CCNE1: variants seen among roughly 807,000 people sequenced by gnomAD.
CCNE1 encodes cyclin E1.
In CCNE1, 8 loss-of-function variants were observed where a neutral mutation model predicts 54.1. The observed-to-expected ratio is 0.15, with a 90% confidence interval of 0.09 to 0.27. The LOEUF is 0.27. Among genes scored for constraint, CCNE1 ranks in the 10% least tolerant of loss-of-function variants. The pLI, the probability that CCNE1 is intolerant of heterozygous loss-of-function variation, is 1.00. For synonymous variants in CCNE1, 179 were observed against 185.2 expected, an observed-to-expected ratio of 0.97 and a Z score of 0.27; for missense variants, 430 against 514.9, an observed-to-expected ratio of 0.84 and a Z score of 1.60.
chr19:29,817,589 C>T (rs1175438074), intron 6 of CCNE1, 48 bp downstream of exon 6: 5 of 1,611,168 alleles, frequency 3.1e-6, no homozygotes, highest in African/African-American at 1.3e-5. Flanking sequence ...TGAGCATTTC[C>T]AGCATTTTTG....
chr19:29,821,828 G>A lies in CCNE1; in HGVS notation c.705+11G>A, dbSNP rs1411484996. ...TTAATGATTATGAAGGTGGGTTCCA[G>A]TGAATTTTCCGGCCATTTTTTAAAT... On this transcript the variant is annotated intron_variant, in intron 8 of 11. Coordinates refer to ENST00000262643, the MANE Select transcript of CCNE1 (RefSeq NM_001238.4). The A allele has an allele frequency of 6.3e-7, 1 of 1,599,430 alleles. No homozygotes were observed. The highest frequency in any genetic ancestry group is 1.7e-5 in the Admixed American group (1 of 59,930).
Position 29,823,567 on chromosome 19 carries a change from A to G in CCNE1, c.1111-88A>G, listed in dbSNP as rs1043593529. 6 of 1,256,150 alleles carry G rather than the reference A, an allele frequency of 4.8e-6. No homozygotes were observed. In the African/African-American group the frequency reaches 7.7e-5, roughly 16 times the overall value. The allele number at this position is 1,256,150 out of a possible 1,614,324, so 77.8% of individuals were successfully genotyped here. Reference sequence around the variant, plus strand: ...CCATCTTGAGAAAAAAAAAAAATTTAAAAATTAAAAAAGAAAAAGCCTATG... The same window carrying G: ...CCATCTTGAGAAAAAAAAAAAATTTGAAAATTAAAAAAGAAAAAGCCTATG... On this transcript the variant is annotated intron_variant, in intron 11 of 11. Transcript: ENST00000262643.
At chr19:29,816,100 G>A (rs1301887947) in intron 4 of CCNE1, among the ~76,000 whole-genome samples, 1 of 148,892 alleles carries the variant, frequency 6.7e-6, no homozygotes, top group Non-Finnish European at 1.5e-5. Flanking sequence ...AGGTTGTAGT[G>A]AGCTGAGATT....
At chr19:29,814,824 C>A (rs1163208851) in intron 4 of CCNE1, among the ~76,000 whole-genome samples, 2 of 151,956 alleles carry the variant, frequency 1.3e-5, no homozygotes, top group Non-Finnish European at 2.9e-5. Flanking sequence ...AAAAGAATAC[C>A]CTTTTATCTA....
intron 1 of CCNE1, among the ~76,000 whole-genome samples, 152 bp from the exon 2 acceptor site, chr19:29,812,378 GGT>G (rs1262116775): frequency 2.0e-5 from 3 of 149,658 alleles, no homozygotes; most frequent in Non-Finnish European, 3.0e-5. Flanking sequence ...CGGGACCCCG[GGT>G]CGGGGGTCGG....
rs113882878 is a variant in CCNE1 at position 29,819,750 on chromosome 19, G to A, written c.463-952G>A. ...GCTTATAGTTTCTTGATTAAGGGAA[G>A]CTTCCTAGACAACCTTGTAAGACTT... On this transcript the variant is annotated intron_variant, in intron 6 of 11. Transcript: ENST00000262643. Among the ~76,000 whole-genome samples the A allele has an allele frequency of 3.2e-3, 488 of 152,374 alleles. 4 individuals carry two copies. The highest frequency in any genetic ancestry group is 0.01 in the Admixed American group (154 of 15,302).
At chr19:29,814,986 G>A (rs868593730) in intron 4 of CCNE1, among the ~76,000 whole-genome samples, 2 of 152,184 alleles carry the variant, frequency 1.3e-5, no homozygotes, top group African/African-American at 2.4e-5. Flanking sequence ...TAGGAATCCC[G>A]TGGGTCTCTT....
Position 29,821,793 on chromosome 19 carries a change from C to T in CCNE1, c.681C>T (p.Leu227=). Residue 227 remains leucine, a synonymous_variant, in exon 8 of 12, where the codon CTC becomes CTT. Coordinates refer to ENST00000262643, the MANE Select transcript of CCNE1 (RefSeq NM_001238.4). The part of the protein sequence containing the change: ...TDGACSGDEI[L]TMELMIMKAL... ...GAGCTTGTTCAGGAGATGAAATTCT[C>T]ACCATGGAATTAATGATTATGAAGG... 1 of 1,612,368 alleles carries T rather than the reference C, an allele frequency of 6.2e-7. No individual in the cohort carries two copies. The highest frequency in any genetic ancestry group is 8.5e-7 in the Non-Finnish European group (1 of 1,178,422).
Position 29,823,710 on chromosome 19 carries a change from T to A in CCNE1, c.1166T>A (p.Leu389His). The A allele has an allele frequency of 6.2e-7, 1 of 1,613,888 alleles. No homozygotes were observed. The highest frequency in any genetic ancestry group is 8.5e-7 in the Non-Finnish European group (1 of 1,179,940). ...TCTGAACAAAATAGGGCTTCTCCTC[T>A]CCCCAGTGGGCTCCTCACCCCGCCA... Reference protein sequence around the residue: ...MLSEQNRASPLPSGLLTPPQS... With the variant: ...MLSEQNRASPHPSGLLTPPQS... Residue 389 changes from leucine (L) to histidine (H), a missense_variant, in exon 12 of 12, where the codon CTC (leucine) becomes CAC (histidine). Coordinates refer to ENST00000262643, the MANE Select transcript of CCNE1 (RefSeq NM_001238.4).
At position 29,824,054 on chromosome 19, in the gene CCNE1, G is replaced by T; in HGVS notation, c.*277G>T. On this transcript the variant is annotated 3_prime_UTR_variant, in exon 12 of 12. Transcript: ENST00000262643. Reference sequence around the variant, plus strand: ...CTATGGAAGGTGCTACTTGACCTAAGGGACTCCCACAACAACAAAAGCTTG... The same window carrying T: ...CTATGGAAGGTGCTACTTGACCTAATGGACTCCCACAACAACAAAAGCTTG... 6.0e-6 allele frequency: 2 copies of T among 332,396 alleles called. No homozygotes were observed. Among genetic ancestry groups the T allele is most frequent in the African/African-American group, 4.2e-5 (2 of 47,950 alleles). The allele number at this position is 332,396 out of a possible 1,614,324, so 20.6% of individuals were successfully genotyped here. A position where few individuals can be genotyped will look rare whatever the true frequency, so the allele number is the denominator to read the frequency against.
chr19:29,823,582 A>G, intron 11 of CCNE1, 73 bp from the exon 12 acceptor site: 2 of 1,346,754 alleles, frequency 1.5e-6, no homozygotes, highest in Middle Eastern at 2.0e-4. Flanking sequence ...TTAAAAAAGA[A>G]AAAGCCTATG....
At chr19:29,812,405 GC>G in intron 1 of CCNE1, 126 bp from the exon 2 acceptor site, 1 of 554,304 alleles carries the variant, frequency 1.8e-6, no homozygotes, top group Non-Finnish European at 2.6e-6. Context: ...TGCCCGGGTC[GC>G]GGGTGACAGG....
At chr19:29,812,484 G>A in intron 1 of CCNE1, 48 bp from the exon 2 acceptor site, 1 of 1,220,922 alleles carries the variant, frequency 8.2e-7, no homozygotes, top group Non-Finnish European at 1.0e-6. Flanking sequence ...AGGGGTACTG[G>A]GCCCGCGGCC....
rs111250133 is a variant in CCNE1, at chr19:29,815,733, A to C, written c.181-1404A>C. Among the ~76,000 whole-genome samples, 553 of 148,324 alleles carry C rather than the reference A, an allele frequency of 3.7e-3. 3 individuals are homozygous for C. Among genetic ancestry groups the C allele is most frequent in the African/African-American group, 0.013 (527 of 40,034 alleles). The stretch of plus-strand genomic sequence containing the variant: ...AACCTCCGCCTCCCAGGTTCAAGTG[A>C]TTCTCCTGCTTCAGCCTCCCGAGTA... On this transcript the variant is annotated intron_variant, in intron 4 of 11. Transcript: ENST00000262643.
In CCNE1 at chr19:29,822,432, T is replaced by C. The variant is rs1472768444; in HGVS notation, c.953-14T>C. ...TGTCAGCCTCAGATTAAGCCCACGATGTCTTCACTGCAGGGTATCAGTGGT... is the reference window on the plus strand; with the variant it reads ...TGTCAGCCTCAGATTAAGCCCACGACGTCTTCACTGCAGGGTATCAGTGGT... On this transcript the variant is annotated splice_polypyrimidine_tract_variant and intron_variant, in intron 10 of 11. Transcript: ENST00000262643. 4 of 1,613,998 alleles carry C rather than the reference T, an allele frequency of 2.5e-6. No homozygotes were observed. The highest frequency in any genetic ancestry group is 3.4e-6 in the Non-Finnish European group (4 of 1,179,818).
chr19:29,819,512 G>A (rs1974102746), intron 6 of CCNE1, among the ~76,000 whole-genome samples: 1 of 151,776 alleles, frequency 6.6e-6, no homozygotes, highest in African/African-American at 2.4e-5. Flanking sequence ...CAACTCCTGG[G>A]ATCAAGGGAT....
intron 6 of CCNE1, among the ~76,000 whole-genome samples, chr19:29,819,445 G>T (rs1047437872): frequency 1.3e-5 from 2 of 151,856 alleles, no homozygotes; most frequent in Non-Finnish European, 2.9e-5. Context: ...ACTACTCCCT[G>T]CCGATTTTTT....
At chr19:29,812,416 G>A in intron 1 of CCNE1, 116 bp from the exon 2 acceptor site, 2 of 649,622 alleles carry the variant, frequency 3.1e-6, no homozygotes, top group South Asian at 7.5e-5. Context: ...CGGGTGACAG[G>A]CCACCCCGCC....
intron 11 of CCNE1, 138 bp from the exon 12 acceptor site, chr19:29,823,517 A>T: frequency 1.6e-6 from 1 of 610,688 alleles, no homozygotes; most frequent in Non-Finnish European, 2.5e-6. Context: ...CCACTGTACT[A>T]CAGTCTGGAT....
Sources: gnomAD v4.1 joint callset for allele counts (sites outside exome capture counted in the v4.1 genomes callset) on GRCh38, gnomAD v4.1.1 for gene constraint, MANE v1.5 for transcripts, NCBI Gene and HGNC (gene_info 2026-07-23, HGNC 2026-07-21) for gene names.